PTGR1: variants seen among roughly 807,000 people sequenced by gnomAD.
PTGR1 encodes prostaglandin reductase 1.
A neutral mutation model predicts 37.7 loss-of-function variants in PTGR1; 23 were observed. That is an observed-to-expected ratio of 0.61 (90% confidence interval 0.44 to 0.86). The LOEUF (loss-of-function observed/expected upper bound fraction) is 0.86. Ranked by LOEUF, PTGR1 falls within the 40% of genes least tolerant of loss-of-function variation. The pLI is 0.00. For missense variants in PTGR1, 351 were observed against 394.3 expected, an observed-to-expected ratio of 0.89 and a Z score of 0.93; for synonymous variants, 134 against 140.0, an observed-to-expected ratio of 0.96 and a Z score of 0.30.
chr9:111,596,668 G>A (rs1829791261), intron 2 of PTGR1, among the ~76,000 whole-genome samples: 1 of 151,748 alleles, frequency 6.6e-6, no homozygotes, highest in South Asian at 2.1e-4. Flanking sequence ...GGCTGAGGCA[G>A]GGAGAATTGC....
chr9:111,579,192 G>A (rs1000728768), intron 6 of PTGR1, among the ~76,000 whole-genome samples: 27 of 151,674 alleles, frequency 1.8e-4, no homozygotes, highest in Admixed American at 2.6e-4. Context: ...GCATTTATTT[G>A]GTTCATAGTT....
intron 9 of PTGR1, among the ~76,000 whole-genome samples, chr9:111,557,172 C>T (rs947797351): frequency 6.6e-6 from 1 of 152,020 alleles, no homozygotes; most frequent in Non-Finnish European, 1.5e-5. Flanking sequence ...TTCTTTTCTA[C>T]CACATGGAAT....
chr9:111,553,347 C>A (rs1417523429), intron 9 of PTGR1, among the ~76,000 whole-genome samples: 1 of 151,970 alleles, frequency 6.6e-6, no homozygotes, highest in Non-Finnish European at 1.5e-5. Flanking sequence ...CAGTAATATG[C>A]CTTTGTTTAA....
At position 111,597,443 on chromosome 9, in the gene PTGR1, G is replaced by A. The variant is rs780761844; in HGVS notation, c.-10-11C>T. 3 of 1,542,020 alleles carry A rather than the reference G, an allele frequency of 1.9e-6. No homozygotes were observed. Among genetic ancestry groups the A allele is most frequent in the Admixed American group, 1.7e-5 (1 of 57,814 alleles). ...ACCATCCTGAAGCTCCTAGAACACA[G>A]TAAATATGTAGTCAACTGCCATGAA... On this transcript the variant is annotated splice_polypyrimidine_tract_variant and intron_variant, in intron 1 of 9. Transcript: ENST00000407693.
At chr9:111,592,498 T>C (rs566956792) in intron 4 of PTGR1, 1 of 160,766 alleles carries the variant, frequency 6.2e-6, no homozygotes, top group Non-Finnish European at 1.4e-5. Flanking sequence ...TGCGGGTATA[T>C]TCAGTGCTTT....
At chr9:111,573,702 G>A (rs1828932721) in intron 8 of PTGR1, among the ~76,000 whole-genome samples, 1 of 152,104 alleles carries the variant, frequency 6.6e-6, no homozygotes, top group African/African-American at 2.4e-5. Context: ...TTGCCAATAG[G>A]AGTTAAAGAG....
At chr9:111,549,736 A>G (rs1393170426) in exon 10 of PTGR1, 3 of 1,550,106 alleles carry the variant, frequency 1.9e-6, no homozygotes, top group Admixed American at 4.0e-5. Context: ...GTAATGGTGA[A>G]TGATACATAT....
At chr9:111,565,649 G>A (rs911364653) in intron 9 of PTGR1, among the ~76,000 whole-genome samples, 2 of 152,078 alleles carry the variant, frequency 1.3e-5, no homozygotes, top group Non-Finnish European at 2.9e-5. Flanking sequence ...TCAGCCTCCC[G>A]AGTAGCTGGG....
chr9:111,581,942 A>G, intron 6 of PTGR1, among the ~76,000 whole-genome samples: 1 of 152,276 alleles, frequency 6.6e-6, no homozygotes, highest in Non-Finnish European at 1.5e-5. Context: ...GTTCATATAC[A>G]TGTATATGTT....
At chr9:111,583,104 C>T (rs747623603) in intron 6 of PTGR1, among the ~76,000 whole-genome samples, 1 of 152,222 alleles carries the variant, frequency 6.6e-6, no homozygotes, top group Non-Finnish European at 1.5e-5. Context: ...AGTGGGGCCA[C>T]GTGGGTGATG....
intron 4 of PTGR1, among the ~76,000 whole-genome samples, chr9:111,588,196 A>ATT (rs71302619): frequency 0.045 from 5,713 of 126,786 alleles, 290 homozygotes; most frequent in East Asian, 0.15. Context: ...CATCCAGCTA[A>ATT]TTTTTTTTTT....
chr9:111,551,468 C>T (rs977786302), intron 9 of PTGR1, among the ~76,000 whole-genome samples: 8 of 135,554 alleles, frequency 5.9e-5, no homozygotes, highest in Non-Finnish European at 9.1e-5. Flanking sequence ...AGTGCAGTGG[C>T]GCAATCTTGG....
intron 9 of PTGR1, among the ~76,000 whole-genome samples, chr9:111,552,253 T>C (rs1358966166): frequency 6.6e-6 from 1 of 152,206 alleles, no homozygotes; most frequent in African/African-American, 2.4e-5. Flanking sequence ...CCAGGTAACA[T>C]TGGTAAAGAA....
intron 9 of PTGR1, among the ~76,000 whole-genome samples, chr9:111,551,429 A>G (rs1347266601): frequency 6.2e-5 from 6 of 96,102 alleles, no homozygotes; most frequent in African/African-American, 8.0e-5. Context: ...TTTTTTTGAG[A>G]TGGAGTCTCA....
At chr9:111,581,461 T>G (rs999464482) in intron 6 of PTGR1, among the ~76,000 whole-genome samples, 1 of 152,164 alleles carries the variant, frequency 6.6e-6, no homozygotes, top group South Asian at 2.1e-4. Flanking sequence ...CCTGGTGATA[T>G]TTCTAAACTC....
intron 9 of PTGR1, among the ~76,000 whole-genome samples, chr9:111,565,601 C>T (rs1030318536): frequency 2.6e-5 from 4 of 152,092 alleles, no homozygotes; most frequent in Non-Finnish European, 5.9e-5. Flanking sequence ...GAGTTCACTG[C>T]AGCCCTTGAA....
At position 111,583,164 on chromosome 9, in the gene PTGR1, C is replaced by T. The variant is rs532760064; in HGVS notation, c.495+308G>A. 6.6e-5 allele frequency among the ~76,000 whole-genome samples: 10 copies of T among 152,312 alleles called. No homozygotes were observed. In the East Asian group the frequency reaches 1.9e-3, roughly 29 times the overall value. ...CCCTTCTTCTATTGCTAAGGACAAT[C>T]ATGAAGAAAGAAGATTAAGCTGTAG... On this transcript the variant is annotated intron_variant, in intron 6 of 9. Coordinates refer to ENST00000407693, the MANE Select transcript of PTGR1 (RefSeq NM_001146108.2).
chr9:111,580,917 C>T (rs1829263583), intron 6 of PTGR1, among the ~76,000 whole-genome samples: 1 of 152,192 alleles, frequency 6.6e-6, no homozygotes, highest in African/African-American at 2.4e-5. Context: ...TTCTAAAAAG[C>T]AGAACCAATC....
chr9:111,592,809 C>A, intron 4 of PTGR1, 117 bp downstream of exon 4: 1 of 1,350,406 alleles, frequency 7.4e-7, no homozygotes, highest in Non-Finnish European at 9.9e-7. Flanking sequence ...CAAGATCACA[C>A]AGTGAGTCAA....
Sources: allele counts gnomAD v4.1 joint callset (sites outside exome capture counted in the v4.1 genomes callset), GRCh38; gene constraint gnomAD v4.1.1; transcripts MANE v1.5; gene names NCBI Gene and HGNC (gene_info 2026-07-23, HGNC 2026-07-21).